ADGRB3: variants seen among roughly 807,000 people sequenced by gnomAD.
ADGRB3 encodes adhesion G protein-coupled receptor B3.
A neutral mutation model predicts 193.4 loss-of-function variants in ADGRB3; 37 were observed. The ratio of observed to expected loss-of-function variants is 0.19; its 90% CI spans 0.15 to 0.25. The LOEUF is 0.25. Among genes scored for constraint, ADGRB3 ranks in the 10% least tolerant of loss-of-function variants. The pLI is 1.00. For missense variants in ADGRB3, 1,637 were observed against 1,852.9 expected (o/e 0.88, Z 2.14); for synonymous variants, 690 against 644.2 (o/e 1.07, Z -1.08).
At chr6:69,010,329 A>G (rs1769895392) in intron 11 of ADGRB3, among the ~76,000 whole-genome samples, 1 of 152,082 alleles carries the variant, frequency 6.6e-6, no homozygotes, top group Non-Finnish European at 1.5e-5. Flanking sequence ...TGTTCTGTAC[A>G]TATTGTTGAG....
chr6:68,743,386 T>C (rs745395037), intron 3 of ADGRB3, among the ~76,000 whole-genome samples: 2 of 151,810 alleles, frequency 1.3e-5, no homozygotes, highest in Non-Finnish European at 2.9e-5. Context: ...TTCTTGTTAG[T>C]GGTAGATTTG....
intron 3 of ADGRB3, among the ~76,000 whole-genome samples, chr6:68,872,812 C>T (rs1388000960): frequency 1.3e-5 from 2 of 152,088 alleles, no homozygotes; most frequent in African/African-American, 4.8e-5. Flanking sequence ...CTGCTCTGAA[C>T]AGGAAAGACA....
intron 3 of ADGRB3, among the ~76,000 whole-genome samples, chr6:68,906,077 C>A (rs1050778111): frequency 1.4e-5 from 2 of 147,794 alleles, no homozygotes; most frequent in Admixed American, 6.8e-5. Context: ...CCACAAGTTT[C>A]TTTTTTTTTT....
intron 3 of ADGRB3, among the ~76,000 whole-genome samples, chr6:68,896,265 C>T (rs1766215678): frequency 6.6e-6 from 1 of 151,998 alleles, no homozygotes; most frequent in African/African-American, 2.4e-5. Context: ...TCTGTCTGTC[C>T]TCTATGCCCT....
At chr6:69,296,949 G>T (rs1055016759) in intron 20 of ADGRB3, among the ~76,000 whole-genome samples, 1 of 152,088 alleles carries the variant, frequency 6.6e-6, no homozygotes, top group Non-Finnish European at 1.5e-5. Flanking sequence ...ATGTAAAAGT[G>T]TATGTCAACA....
intron 3 of ADGRB3, among the ~76,000 whole-genome samples, chr6:68,928,152 C>T (rs1337089881): frequency 3.9e-5 from 6 of 151,992 alleles, no homozygotes; most frequent in South Asian, 2.1e-4. Context: ...TACTTAAATT[C>T]GTTCTATTCT....
chr6:68,671,031 G>C (rs1172811331), intron 3 of ADGRB3, among the ~76,000 whole-genome samples: 1 of 151,784 alleles, frequency 6.6e-6, no homozygotes, highest in African/African-American at 2.4e-5. Context: ...TTGTAAATGG[G>C]ATTACTTTTT....
chr6:68,898,030 A>G (rs2150231970), intron 3 of ADGRB3, among the ~76,000 whole-genome samples: 1 of 149,018 alleles, frequency 6.7e-6, no homozygotes, highest in Admixed American at 6.7e-5. Flanking sequence ...AGAGAGGGAG[A>G]GACAGAGAGA....
intron 17 of ADGRB3, among the ~76,000 whole-genome samples, chr6:69,144,006 T>A (rs945737772): frequency 2.0e-5 from 3 of 152,192 alleles, no homozygotes; most frequent in African/African-American, 7.2e-5. Flanking sequence ...ATTCTTCCAA[T>A]CCATGAACAC....
chr6:68,835,513 A>G (rs1376988257), intron 3 of ADGRB3, among the ~76,000 whole-genome samples: 1 of 152,136 alleles, frequency 6.6e-6, no homozygotes, highest in Non-Finnish European at 1.5e-5. Context: ...CTTATTAAGG[A>G]ACTAAGTTAC....
At chr6:69,188,558 G>A (rs1008643655) in intron 17 of ADGRB3, among the ~76,000 whole-genome samples, 1 of 152,018 alleles carries the variant, frequency 6.6e-6, no homozygotes, top group African/African-American at 2.4e-5. Context: ...ATCCACCCAC[G>A]TCTGTCTTCC....
intron 28 of ADGRB3, 68 bp downstream of exon 28, chr6:69,355,928 T>A: frequency 7.5e-7 from 1 of 1,334,070 alleles, no homozygotes; most frequent in Non-Finnish European, 1.1e-6. Context: ...ATTTTAATTT[T>A]AAAGAAAATG....
chr6:69,006,494 G>A (rs148799483), intron 11 of ADGRB3, among the ~76,000 whole-genome samples: 6 of 151,740 alleles, frequency 4.0e-5, no homozygotes, highest in African/African-American at 1.4e-4. Flanking sequence ...TCTCAGCAGT[G>A]GAGAGTCTTT....
At chr6:69,177,408 G>GT (rs1775457292) in intron 17 of ADGRB3, among the ~76,000 whole-genome samples, 1 of 151,822 alleles carries the variant, frequency 6.6e-6, no homozygotes, top group Non-Finnish European at 1.5e-5. Context: ...CTAGGCTAGA[G>GT]TGCAGTGGCG....
chr6:69,360,140 G>C (rs1769421677), intron 28 of ADGRB3, among the ~76,000 whole-genome samples: 1 of 151,796 alleles, frequency 6.6e-6, no homozygotes, highest in Admixed American at 6.6e-5. Flanking sequence ...TAGGCTTAAA[G>C]TGGAACAAAG....
At chr6:68,960,865 G>T (rs958394652) in intron 8 of ADGRB3, among the ~76,000 whole-genome samples, 2 of 152,096 alleles carry the variant, frequency 1.3e-5, no homozygotes, top group African/African-American at 4.8e-5. Context: ...AAGGTCTCAG[G>T]TGATGCTGAA....
intron 3 of ADGRB3, among the ~76,000 whole-genome samples, chr6:68,684,763 C>A (rs1764952933): frequency 1.3e-5 from 2 of 152,038 alleles, no homozygotes; most frequent in Non-Finnish European, 2.9e-5. Flanking sequence ...AAAAATAGAA[C>A]TGGAGCCATA....
chr6:68,786,836 G>C (rs1459343644), intron 3 of ADGRB3, among the ~76,000 whole-genome samples: 3 of 151,808 alleles, frequency 2.0e-5, no homozygotes, highest in African/African-American at 7.3e-5. Flanking sequence ...TCATTGAGCA[G>C]TGGTTTGTAG....
chr6:69,332,140 G>C, intron 23 of ADGRB3: 4 of 985,410 alleles, frequency 4.1e-6, no homozygotes, highest in Non-Finnish European at 4.8e-6. Flanking sequence ...TGGTAGATTA[G>C]AGAACTGTCG....
Sources: gnomAD v4.1 joint callset for allele counts (sites outside exome capture counted in the v4.1 genomes callset) on GRCh38, gnomAD v4.1.1 for gene constraint, MANE v1.5 for transcripts, NCBI Gene and HGNC (gene_info 2026-07-23, HGNC 2026-07-21) for gene names.